Variants in KIRREL1 observed in about 807,000 individuals in gnomAD.
The protein encoded by KIRREL1 is kin of IRRE-like protein 1.
Under a neutral mutation model 83.3 loss-of-function variants are expected in KIRREL1, and 25 were observed. That is an observed-to-expected ratio of 0.30 (90% CI 0.22 to 0.42). The LOEUF (loss-of-function observed/expected upper bound fraction) is 0.42. Ranked by LOEUF, KIRREL1 falls within the 10% of genes least tolerant of loss-of-function variation. The pLI, the probability that KIRREL1 is intolerant of heterozygous loss-of-function variation, is 1.00. For synonymous variants in KIRREL1, 388 were observed against 410.4 expected (o/e 0.95, Z 0.66); for missense variants, 812 against 1,032.3 (o/e 0.79, Z 2.92).
chr1:158,095,195 GCATTGCT>G lies in KIRREL1; in HGVS notation c.*84_*90del. ...CACAGCTGTTCCCTGATATTCAGGG[GCATTGCT>G]CATTGCTCCCTTCTCGGACCAGCCT... On this transcript the variant is annotated 3_prime_UTR_variant, in exon 15 of 15. Coordinates refer to ENST00000359209, the MANE Select transcript of KIRREL1 (RefSeq NM_018240.7). 9.3e-7 allele frequency: 1 copy of G among 1,075,542 alleles called. No individual in the cohort carries two copies. Among genetic ancestry groups the G allele is most frequent in the African/African-American group, 1.6e-5 (1 of 63,856 alleles). 66.6% of individuals were successfully genotyped at this position (1,075,542 alleles called of 1,614,324 possible). A position where few individuals can be genotyped will look rare whatever the true frequency, so the allele number is the denominator to read the frequency against.
chr1:158,089,753 G>A lies in KIRREL1; in HGVS notation c.1207G>A (p.Ala403Thr), dbSNP rs1340586679. 6.2e-7 allele frequency: 1 copy of A among 1,614,196 alleles called. No homozygotes were observed. Among genetic ancestry groups the A allele is most frequent in the South Asian group, 1.1e-5 (1 of 91,078 alleles). Residue 403 changes from alanine to threonine, a missense_variant, in exon 10 of 15, where the codon GCT becomes ACT. Ala to Thr is a moderately conservative substitution (Grantham distance 58, BLOSUM62 0). Coordinates refer to ENST00000359209, the MANE Select transcript of KIRREL1 (RefSeq NM_018240.7). ...CATCTCCAGTGAGGCAGTGCAGTATGCTGTGAGGGGTGACGGTGGCAAGGT... is the reference window on the plus strand; with the variant it reads ...CATCTCCAGTGAGGCAGTGCAGTATACTGTGAGGGGTGACGGTGGCAAGGT... ...PIISSEAVQY[A>T]VRGDGGKVEC... is the part of the protein sequence containing the mutation.
chr1:158,077,345 C>G (rs1281103531), intron 2 of KIRREL1, among the ~76,000 whole-genome samples: 1 of 152,104 alleles, frequency 6.6e-6, no homozygotes, highest in Non-Finnish European at 1.5e-5. Context: ...AATCGATAGC[C>G]TCTGGACAGA....
intron 11 of KIRREL1, among the ~76,000 whole-genome samples, chr1:158,092,472 C>T (rs1278642917): frequency 2.7e-5 from 4 of 150,758 alleles, no homozygotes; most frequent in African/African-American, 7.3e-5. Context: ...CTCAACCTCC[C>T]GAGTAGCTGG....
At chr1:158,051,267 T>C (rs1435361159) in intron 1 of KIRREL1, among the ~76,000 whole-genome samples, 1 of 152,172 alleles carries the variant, frequency 6.6e-6, no homozygotes, top group East Asian at 1.9e-4. Context: ...AAGATCTTCC[T>C]TTCCTTCCTG....
chr1:158,091,192 TAGC>T (rs1349767807), intron 10 of KIRREL1, among the ~76,000 whole-genome samples, 163 bp from the exon 11 acceptor site: 1 of 152,144 alleles, frequency 6.6e-6, no homozygotes, highest in African/African-American at 2.4e-5. Flanking sequence ...GGGTGTGAGG[TAGC>T]AGGTGTGACT....
Position 158,093,679 on chromosome 1 carries a change from G to A in KIRREL1, c.1636G>A (p.Glu546Lys). ...LDIKVETVNR[E>K]PLTMHSDRED... ...TATCAAGGTGGAGACAGTGAACCGA[G>A]AGCCACTTACGATGCATTCTGACCG... is the stretch of plus-strand genomic sequence containing the variant. The change falls in exon 13 of 15, where the codon GAG (glutamate) becomes AAG (lysine). Residue 546 changes from glutamate to lysine, a missense_variant. Glu to Lys is a moderately conservative substitution (Grantham distance 56). Around this residue, in one of 3 missense-constraint regions of KIRREL1, gnomAD observed 334 missense variants for 383.7 expected, o/e 0.87. Coordinates refer to ENST00000359209, the MANE Select transcript of KIRREL1 (RefSeq NM_018240.7). 1 of 1,614,198 alleles carries A rather than the reference G, an allele frequency of 6.2e-7. No homozygotes were observed. Among genetic ancestry groups the A allele is most frequent in the Non-Finnish European group, 8.5e-7 (1 of 1,180,038 alleles).
At chr1:158,073,689 G>A (rs923716052) in intron 1 of KIRREL1, among the ~76,000 whole-genome samples, 1 of 152,164 alleles carries the variant, frequency 6.6e-6, no homozygotes, top group African/African-American at 2.4e-5. Flanking sequence ...GTACAGGTGA[G>A]CAAATGGGGG....
At chr1:158,054,476 C>G (rs1187667437) in intron 1 of KIRREL1, among the ~76,000 whole-genome samples, 1 of 152,146 alleles carries the variant, frequency 6.6e-6, no homozygotes, top group Non-Finnish European at 1.5e-5. Flanking sequence ...CAACCTATGC[C>G]TGTACCAGGA....
intron 1 of KIRREL1, among the ~76,000 whole-genome samples, chr1:158,035,859 G>A (rs1036940661): frequency 6.6e-6 from 1 of 152,152 alleles, no homozygotes; most frequent in Non-Finnish European, 1.5e-5. Context: ...AATAATTTGG[G>A]AGGAACATAC....
rs144444126 is a variant in KIRREL1 at position 158,025,177 on chromosome 1, C to T, written c.52+31449C>T. On this transcript the variant is annotated intron_variant, in intron 1 of 14. Transcript: ENST00000359209. ...GGATGAGAAAAGTCAGATGGGTCCT[C>T]CTCAAGTTCCCCCCATTCTCTCTTC... 2.0e-5 allele frequency among the ~76,000 whole-genome samples: 3 copies of T among 152,226 alleles called. No homozygotes were observed. The East Asian group carries it at 5.8e-4, about 29-fold the overall frequency.
At chr1:157,993,913 TG>T (rs1659117157) in intron 1 of KIRREL1, among the ~76,000 whole-genome samples, 185 bp downstream of exon 1, 1 of 152,034 alleles carries the variant, frequency 6.6e-6, no homozygotes, top group African/African-American at 2.4e-5. Context: ...AACGAGGGGC[TG>T]GGGAGAATGA....
At chr1:158,071,320 T>C (rs1661509025) in intron 1 of KIRREL1, among the ~76,000 whole-genome samples, 1 of 152,232 alleles carries the variant, frequency 6.6e-6, no homozygotes, top group African/African-American at 2.4e-5. Context: ...CAGCGTTGTC[T>C]ACGCCTCTGT....
chr1:158,089,924 G>C, intron 10 of KIRREL1, 106 bp downstream of exon 10: 1 of 899,484 alleles, frequency 1.1e-6, no homozygotes, highest in Non-Finnish European at 1.8e-6. Context: ...TCCCTGTCCC[G>C]TTTCCATCCT....
chr1:158,014,057 A>G (rs1421996734), intron 1 of KIRREL1, among the ~76,000 whole-genome samples: 1 of 152,098 alleles, frequency 6.6e-6, no homozygotes, highest in Non-Finnish European at 1.5e-5. Context: ...TGGAAGCCCA[A>G]AGATATGGGA....
chr1:158,027,612 C>T (rs536070055), intron 1 of KIRREL1, among the ~76,000 whole-genome samples: 1 of 152,348 alleles, frequency 6.6e-6, no homozygotes, highest in East Asian at 1.9e-4. Context: ...AGACACTTAT[C>T]GCTTGGGAGA....
At chr1:158,008,978 T>C (rs1484382367) in intron 1 of KIRREL1, among the ~76,000 whole-genome samples, 1 of 152,078 alleles carries the variant, frequency 6.6e-6, no homozygotes, top group Non-Finnish European at 1.5e-5. Flanking sequence ...GATGGTCAGC[T>C]CTGCTGTCAC....
intron 1 of KIRREL1, among the ~76,000 whole-genome samples, chr1:158,050,234 G>A (rs370391901): frequency 6.9e-4 from 105 of 152,214 alleles, no homozygotes; most frequent in East Asian, 3.3e-3. Context: ...GCCTCCTAGC[G>A]TGAACATAGA....
rs1289969436 is a variant in KIRREL1, at chr1:158,088,001, C to G, written c.768-5C>G. 4 of 1,614,026 alleles carry G rather than the reference C, an allele frequency of 2.5e-6. No individual in the cohort carries two copies. In the African/African-American group the frequency reaches 4.0e-5, roughly 16 times the overall value. On this transcript the variant is annotated splice_region_variant and splice_polypyrimidine_tract_variant and intron_variant, in intron 6 of 14. Transcript: ENST00000359209. ...ATCCCACCTCTGTGTTGCCTCCTCC[C>G]CTAGGTGGGCCAAAGGGGGTTTCTT...
chr1:157,993,685 C>T lies in KIRREL1; in HGVS notation c.9C>T (p.Ser3=), dbSNP rs776088031. Reference sequence around the variant, plus strand: ...CACGGCGGGCGGACAGCATGCTGAGCCTCCTCGTCTGGATCCTCACTCTCT... The same window carrying T: ...CACGGCGGGCGGACAGCATGCTGAGTCTCCTCGTCTGGATCCTCACTCTCT... ML[S]LLVWILTLSD... Residue 3 remains serine (S), a synonymous_variant, in exon 1 of 15, where the codon AGC becomes AGT. Coordinates refer to ENST00000359209, the MANE Select transcript of KIRREL1 (RefSeq NM_018240.7). The T allele has an allele frequency of 3.2e-5, 48 of 1,490,410 alleles. 1 individual carries two copies. In the South Asian group the frequency reaches 6.1e-4, roughly 19 times the overall value. 92.3% of individuals were successfully genotyped at this position (1,490,410 alleles called of 1,614,324 possible).
Sources: gnomAD v4.1 joint callset for allele counts (sites outside exome capture counted in the v4.1 genomes callset) on GRCh38, gnomAD v4.1.1 for gene constraint, gnomAD v4.1.1 regional missense constraint, MANE v1.5 for transcripts, NCBI Gene and HGNC (gene_info 2026-07-23, HGNC 2026-07-21) for gene names.